The following CENPM variants were observed in gnomAD, a reference collection of about 807,000 sequenced individuals.
CENPM encodes centromere protein M, also known as interphase centromere complex protein 39.
CENPM carries 14 observed loss-of-function variants against 19.6 expected under a neutral mutation model. The observed-to-expected ratio is 0.71, with a 90% CI of 0.47 to 1.11. CENPM has a LOEUF of 1.11. CENPM is among the 50% of genes most tolerant of loss of function. The pLI, the probability that CENPM is intolerant of heterozygous loss-of-function variation, is 0.00. For missense variants in CENPM, 239 were observed against 228.4 expected (o/e 1.05, Z -0.30); for synonymous variants, 114 against 101.5 (o/e 1.12, Z -0.74).
the CENPM span, among the ~76,000 whole-genome samples, chr22:41,931,313 TTAAA>T: frequency 7.0e-6 from 1 of 142,958 alleles, no homozygotes; most frequent in African/African-American, 2.9e-5. Context: ...TATAAGAAAT[TTAAA>T]AAAAAAAAAA....
At chr22:41,934,502 TAG>T (rs2077676219), downstream of CENPM, among the ~76,000 whole-genome samples, 1 of 152,162 alleles carries the variant, frequency 6.6e-6, no homozygotes, top group Non-Finnish European at 1.5e-5. Context: ...TCCCAGCCTG[TAG>T]GCCTAGGGGG....
Position 41,939,055 on chromosome 22 carries a change from C to T in CENPM, c.*1G>A. 6.2e-7 allele frequency: 1 copy of T among 1,612,736 alleles called. No individual in the cohort carries two copies. The highest frequency in any genetic ancestry group is 8.5e-7 in the Non-Finnish European group (1 of 1,179,854). On this transcript the variant is annotated 3_prime_UTR_variant, in exon 6 of 6. Transcript: ENST00000215980. Reference sequence around the variant, plus strand: ...AGGGGCAGCCCAGGGGCCAGCCACCCTCACAGGTCCTCCAGGGAGGGGCCC... The same window carrying T: ...AGGGGCAGCCCAGGGGCCAGCCACCTTCACAGGTCCTCCAGGGAGGGGCCC...
the CENPM span, among the ~76,000 whole-genome samples, chr22:41,932,444 A>C: frequency 6.6e-6 from 1 of 152,146 alleles, no homozygotes; most frequent in Admixed American, 6.5e-5. This position sits in a 1 kb window ranked among gnomAD's most constrained non-coding sequence, Gnocchi z 4.3. Context: ...CCCCGAACCC[A>C]CACCAGGGGA....
At chr22:41,933,597 A>G in the CENPM span, among the ~76,000 whole-genome samples, 1 of 152,130 alleles carries the variant, frequency 6.6e-6, no homozygotes, top group Non-Finnish European at 1.5e-5. Flanking sequence ...AGCAGCCCCC[A>G]GTCCACAGCA....
At chr22:41,940,829 G>A (rs941731477) in intron 5 of CENPM, among the ~76,000 whole-genome samples, 7 of 152,106 alleles carry the variant, frequency 4.6e-5, no homozygotes, top group Admixed American at 1.3e-4. Flanking sequence ...AGGCTGCTGA[G>A]GCTTGGGTTC....
At chr22:41,936,653 G>A (rs1015161087), downstream of CENPM, among the ~76,000 whole-genome samples, 13 of 152,242 alleles carry the variant, frequency 8.5e-5, 1 homozygote, top group Admixed American at 2.6e-4. Context: ...TAGGCCGGCC[G>A]CGGTGACTCT....
At chr22:41,944,409 C>T (rs1011672149) in intron 4 of CENPM, among the ~76,000 whole-genome samples, 7 of 134,430 alleles carry the variant, frequency 5.2e-5, no homozygotes, top group Non-Finnish European at 9.1e-5. Flanking sequence ...GCACTCCAGC[C>T]TGGGCGGCTG....
In CENPM at chr22:41,939,130, C is replaced by T. The variant is rs760069349; in HGVS notation, c.469G>A (p.Val157Met). ...AGGTTCAGAGCTGAGACACCGGGCACGTGGCCAGCACAGATCTGCAGCACG... is the reference window on the plus strand; with the variant it reads ...AGGTTCAGAGCTGAGACACCGGGCATGTGGCCAGCACAGATCTGCAGCACG... ...VRVLQICAGH[V>M]PGVSALNLLS... Residue 157 changes from valine (V) to methionine (M), a missense_variant, in exon 6 of 6, where the codon GTG (valine) becomes ATG (methionine). Val to Met is a conservative substitution (Grantham distance 21, BLOSUM62 1). Coordinates refer to ENST00000215980, the MANE Select transcript of CENPM (RefSeq NM_024053.5). 11 of 1,612,950 alleles carry T rather than the reference C, an allele frequency of 6.8e-6. No homozygotes were observed. Among genetic ancestry groups the T allele is most frequent in the South Asian group, 2.2e-5 (2 of 91,072 alleles).
downstream of CENPM, among the ~76,000 whole-genome samples, chr22:41,937,793 G>A (rs1721662764): frequency 6.6e-6 from 1 of 152,134 alleles, no homozygotes; most frequent in Admixed American, 6.5e-5. Context: ...GCAGGGCCAG[G>A]ATGTGGAGTC....
chr22:41,947,089 A>G lies in CENPM; in HGVS notation c.-13T>C. On this transcript the variant is annotated 5_prime_UTR_variant, in exon 1 of 6. Transcript: ENST00000215980. ...TCAACACCGACATCACAGCCGCAGG[A>G]CCAACCGTTGCTCCTGCGGTGCGCG... is the stretch of plus-strand genomic sequence containing the variant. The G allele has an allele frequency of 6.2e-7, 1 of 1,612,588 alleles. No homozygotes were observed. The highest frequency in any genetic ancestry group is 8.5e-7 in the Non-Finnish European group (1 of 1,179,722).
At chr22:41,930,831 T>A in the CENPM span, among the ~76,000 whole-genome samples, 79 of 144,204 alleles carry the variant, frequency 5.5e-4, no homozygotes, top group Non-Finnish European at 4.1e-4. Flanking sequence ...AATTTCTTTA[T>A]TCAAGTCTTT....
chr22:41,943,521 G>A (rs10483213), intron 5 of CENPM, 89 bp downstream of exon 5: 89,765 of 1,140,410 alleles, frequency 0.079, 4,070 homozygotes, highest in Non-Finnish European at 0.091. Flanking sequence ...TAAGTCCTTC[G>A]ATAAGCATTC....
At chr22:41,940,276 T>G (rs957267564) in intron 5 of CENPM, 4 of 674,748 alleles carry the variant, frequency 5.9e-6, no homozygotes, top group Admixed American at 2.1e-5. Context: ...GGGCGTTCCC[T>G]GGTTACCCTG....
At chr22:41,946,292 G>A (rs1402326207) in intron 2 of CENPM, 125 bp downstream of exon 2, 6 of 826,778 alleles carry the variant, frequency 7.3e-6, no homozygotes, top group African/African-American at 6.8e-5. Context: ...AGCCAGCTAC[G>A]CTGCATGCTG....
chr22:41,946,125 C>T, intron 2 of CENPM, 120 bp from the exon 3 acceptor site: 3 of 888,698 alleles, frequency 3.4e-6, no homozygotes, highest in Non-Finnish European at 5.4e-6. Flanking sequence ...CCTAGCCACC[C>T]GAGGCTCTTG....
At position 41,947,008 on chromosome 22, in the gene CENPM, G is replaced by C. The variant is rs761516641; in HGVS notation, c.57+12C>G. 11 of 1,612,328 alleles carry C rather than the reference G, an allele frequency of 6.8e-6. No homozygotes were observed. The Admixed American group carries it at 1.7e-4, about 24-fold the overall frequency. On this transcript the variant is annotated intron_variant, in intron 1 of 5. Coordinates refer to ENST00000215980, the MANE Select transcript of CENPM (RefSeq NM_024053.5). ...AAAAACCGGCGGGGGAAGCAGGGCC[G>C]CCTGCACCTACCAAGATGGTGGCCG... is the stretch of plus-strand genomic sequence containing the variant.
chr22:41,942,918 G>C (rs980007357), intron 5 of CENPM, among the ~76,000 whole-genome samples: 8 of 151,976 alleles, frequency 5.3e-5, no homozygotes, highest in Admixed American at 1.3e-4. Context: ...CTGGGCAACA[G>C]AGCAAGACCT....
Position 41,946,440 on chromosome 22 carries a change from C to G in CENPM, c.114G>C (p.Glu38Asp), listed in dbSNP as rs2077803214. Residue 38 changes from glutamate to aspartate, a missense_variant, in exon 2 of 6, where the codon GAG (glutamate) becomes GAC (aspartate). Glu to Asp is a conservative substitution (Grantham distance 45). Coordinates refer to ENST00000215980, the MANE Select transcript of CENPM (RefSeq NM_024053.5). ...ACACCTTCAGCTCGGAGGCGCAGTC[C>G]TCTTTGAGCATCGAGTCCGCCAGCT... is the stretch of plus-strand genomic sequence containing the variant. ...LQQLADSMLKEDCASELKVHL... is the reference protein window; with the variant it reads ...LQQLADSMLKDDCASELKVHL... 6.2e-7 allele frequency: 1 copy of G among 1,612,942 alleles called. No individual in the cohort carries two copies. The highest frequency in any genetic ancestry group is 8.5e-7 in the Non-Finnish European group (1 of 1,179,974).
Position 41,947,129 on chromosome 22 carries a change from C to T in CENPM, c.-53G>A, listed in dbSNP as rs2077816281. The T allele has an allele frequency of 8.2e-6, 13 of 1,578,312 alleles. No individual in the cohort carries two copies. The South Asian group carries it at 1.3e-4, about 16-fold the overall frequency. ...TGCGGTGCGCGCCGATCTTTCAAAC[C>T]GCCCTGAGTCCAGCCCCTAGAGCGC... On this transcript the variant is annotated 5_prime_UTR_variant, in exon 1 of 6. Transcript: ENST00000215980.
Sources: allele counts gnomAD v4.1 joint callset (sites outside exome capture counted in the v4.1 genomes callset), GRCh38; gene constraint gnomAD v4.1.1; non-coding constraint Gnocchi (gnomAD v3.1); transcripts MANE v1.5; gene names NCBI Gene and HGNC (gene_info 2026-07-23, HGNC 2026-07-21).